Variants in LRPPRC observed in about 807,000 individuals in gnomAD.
The protein encoded by LRPPRC is leucine-rich PPR motif-containing protein, mitochondrial.
Under a neutral mutation model 180.3 loss-of-function variants are expected in LRPPRC, and 120 were observed. The observed-to-expected ratio is 0.67, with a 90% CI of 0.57 to 0.77. The LOEUF (loss-of-function observed/expected upper bound fraction) is 0.77. Ranked by LOEUF, LRPPRC falls within the 30% of genes least tolerant of loss-of-function variation. The pLI is 0.00. For synonymous variants in LRPPRC, 723 were observed against 600.0 expected, an observed-to-expected ratio of 1.21 and a Z score of -3.00; for missense variants, 2,012 against 1,657.2, an observed-to-expected ratio of 1.21 and a Z score of -3.72.
intron 29 of LRPPRC, among the ~76,000 whole-genome samples, chr2:43,916,657 A>G (rs1045177005): frequency 3.9e-5 from 6 of 152,226 alleles, no homozygotes; most frequent in African/African-American, 1.4e-4. Flanking sequence ...ACAGCAAAGT[A>G]TGAAGAATAG....
chr2:43,889,897 T>C (rs372302477), intron 36 of LRPPRC, 21 bp from the exon 37 acceptor site: 294 of 1,574,588 alleles, frequency 1.9e-4, no homozygotes, highest in Non-Finnish European at 2.4e-4. Context: ...GAAAAAAATA[T>C]ATTAATCAGA....
At chr2:43,900,544 T>C (rs563183626) in intron 32 of LRPPRC, among the ~76,000 whole-genome samples, 2 of 152,266 alleles carry the variant, frequency 1.3e-5, no homozygotes, top group South Asian at 2.1e-4. Context: ...AATCTTCTAA[T>C]GTAAAACAAT....
chr2:43,966,575 A>C (rs992659159), intron 11 of LRPPRC, among the ~76,000 whole-genome samples: 3 of 151,376 alleles, frequency 2.0e-5, no homozygotes, highest in Admixed American at 6.6e-5. Context: ...CACGCCGAGT[A>C]ATTTTTGTAT....
chr2:43,995,226 A>T (rs564843048), intron 1 of LRPPRC, among the ~76,000 whole-genome samples: 1 of 152,260 alleles, frequency 6.6e-6, no homozygotes, highest in African/African-American at 2.4e-5. Flanking sequence ...AACTCGCGCA[A>T]CACCTTCTTA....
At chr2:43,963,789 T>C in intron 11 of LRPPRC, 83 bp from the exon 12 acceptor site, 1 of 826,398 alleles carries the variant, frequency 1.2e-6, no homozygotes, top group Admixed American at 1.7e-5. Context: ...TCAATTATTT[T>C]CTGAATCACA....
intron 11 of LRPPRC, 110 bp downstream of exon 11, chr2:43,973,497 A>G (rs1041250820): frequency 9.1e-6 from 7 of 765,306 alleles, no homozygotes; most frequent in Admixed American, 5.7e-5. Context: ...CCATTATCTC[A>G]TAATACTCAG....
chr2:43,918,484 G>A (rs190556917), intron 27 of LRPPRC, 86 bp from the exon 28 acceptor site: 1 of 1,027,000 alleles, frequency 9.7e-7, no homozygotes, highest in Non-Finnish European at 1.5e-6. Flanking sequence ...CTTATTTGAT[G>A]TTGAAGAAAG....
intron 23 of LRPPRC, among the ~76,000 whole-genome samples, chr2:43,941,879 T>C (rs1672495190): frequency 7.0e-6 from 1 of 142,536 alleles, no homozygotes; most frequent in African/African-American, 2.6e-5. Context: ...AAAAACAGAA[T>C]TAAAATAAAA....
chr2:43,901,602 AAT>A, intron 31 of LRPPRC, 78 bp from the exon 32 acceptor site: 1 of 866,638 alleles, frequency 1.2e-6, no homozygotes, highest in South Asian at 1.4e-5. Context: ...CCAGCTTTTA[AAT>A]ATGAGCACCA....
At chr2:43,994,863 G>A (rs1012507907) in intron 1 of LRPPRC, among the ~76,000 whole-genome samples, 4 of 152,040 alleles carry the variant, frequency 2.6e-5, no homozygotes, top group African/African-American at 4.8e-5. Flanking sequence ...GCATTTATTC[G>A]CCTATCTGAC....
At chr2:43,961,662 G>C (rs1430757181) in intron 12 of LRPPRC, among the ~76,000 whole-genome samples, 1 of 152,168 alleles carries the variant, frequency 6.6e-6, no homozygotes, top group Non-Finnish European at 1.5e-5. Flanking sequence ...CCCAGCTGAA[G>C]ACAAAAGGCA....
At chr2:43,929,567 T>C (rs1672011052) in intron 25 of LRPPRC, among the ~76,000 whole-genome samples, 3 of 152,188 alleles carry the variant, frequency 2.0e-5, no homozygotes, top group Admixed American at 2.0e-4. Flanking sequence ...GTGAGTTTTT[T>C]CAAATCTCCA....
chr2:43,946,670 G>T (rs1558988519), intron 20 of LRPPRC, among the ~76,000 whole-genome samples: 1 of 151,934 alleles, frequency 6.6e-6, no homozygotes, highest in Non-Finnish European at 1.5e-5. Flanking sequence ...TTTAACAGTA[G>T]CAGATTATAA....
intron 35 of LRPPRC, 190 bp downstream of exon 35, chr2:43,896,444 G>A (rs771902224): frequency 5.6e-6 from 3 of 532,780 alleles, no homozygotes; most frequent in African/African-American, 1.9e-5. Context: ...ATTCCTGCGT[G>A]AACTTGTTTT....
rs781475148 is a variant in LRPPRC at position 43,976,970 on chromosome 2, A to G, written c.650+24T>C. On this transcript the variant is annotated intron_variant, in intron 5 of 37. Coordinates refer to ENST00000260665, the MANE Select transcript of LRPPRC (RefSeq NM_133259.4). ...ACAAAATGTACAAATTTGTTCGCTTAAACATGTTCATACAGATCCATACCT... is the reference window on the plus strand; with the variant it reads ...ACAAAATGTACAAATTTGTTCGCTTGAACATGTTCATACAGATCCATACCT... 32 of 1,599,946 alleles carry G rather than the reference A, an allele frequency of 2.0e-5. No individual in the cohort carries two copies. The South Asian group carries it at 3.4e-4, about 17-fold the overall frequency.
intron 23 of LRPPRC, 68 bp from the exon 24 acceptor site, chr2:43,934,946 T>C: frequency 2.3e-6 from 3 of 1,313,328 alleles, no homozygotes; most frequent in Non-Finnish European, 3.3e-6. Context: ...AGTAATACTT[T>C]AGAGAGATGT....
Position 43,918,060 on chromosome 2 carries a change from T to C in LRPPRC, c.3113A>G (p.Asp1038Gly). The change falls in exon 29 of 38, where the codon GAT (aspartate) becomes GGT (glycine). Residue 1038 changes from aspartate to glycine, a missense_variant. Asp to Gly is a moderately conservative substitution (Grantham distance 94). Coordinates refer to ENST00000260665, the MANE Select transcript of LRPPRC (RefSeq NM_133259.4). ...ASTTEPDFQK[D>G]ILIACRLNQK... The stretch of plus-strand genomic sequence containing the variant: ...GTTCAATCGGCAGGCAATCAATATA[T>C]CTTTCTGGAAATCAGGTTCTGTGGT... 2 of 1,612,746 alleles carry C rather than the reference T, an allele frequency of 1.2e-6. No homozygotes were observed. Among genetic ancestry groups the C allele is most frequent in the Non-Finnish European group, 1.7e-6 (2 of 1,179,624 alleles).
intron 13 of LRPPRC, chr2:43,959,276 A>AT (rs1559013357): frequency 7.1e-6 from 5 of 703,784 alleles, no homozygotes; most frequent in Non-Finnish European, 1.3e-5. Flanking sequence ...GCAGCCAGCA[A>AT]TAATACTCAA....
rs768821855 is a variant in LRPPRC, at chr2:43,940,108, C to T, written c.2504+3579G>A. 7.7e-4 allele frequency among the ~76,000 whole-genome samples: 118 copies of T among 152,268 alleles called. 1 individual carries two copies. Among genetic ancestry groups the T allele is most frequent in the Non-Finnish European group, 3.2e-4 (22 of 68,014 alleles). ...TTAATTACGACCCAATGATCCTTGA[C>T]GAAAAATCATCTTATCACTGTCCTG... is the stretch of plus-strand genomic sequence containing the variant. On this transcript the variant is annotated intron_variant, in intron 23 of 37. Transcript: ENST00000260665.
Sources: gnomAD v4.1 joint callset for allele counts (sites outside exome capture counted in the v4.1 genomes callset) on GRCh38, gnomAD v4.1.1 for gene constraint, MANE v1.5 for transcripts, NCBI Gene and HGNC (gene_info 2026-07-23, HGNC 2026-07-21) for gene names.